The following BIRC6 variants were observed in gnomAD, a reference collection of about 807,000 sequenced individuals.
The protein encoded by BIRC6 is baculoviral IAP repeat containing 6.
A neutral mutation model predicts 503.3 loss-of-function variants in BIRC6; 98 were observed. That is an observed-to-expected ratio of 0.19 (90% CI 0.17 to 0.23). The LOEUF is 0.23. Ranked by LOEUF, BIRC6 falls within the 10% of genes least tolerant of loss-of-function variation. The pLI, the probability that BIRC6 is intolerant of heterozygous loss-of-function variation, is 1.00. For synonymous variants in BIRC6, 2,240 were observed against 2,078.7 expected (o/e 1.08, Z -2.11); for missense variants, 5,360 against 5,806.0 (o/e 0.92, Z 2.50).
At chr2:32,485,805 C>A in intron 40 of BIRC6, 46 bp downstream of exon 40, 1 of 1,248,254 alleles carries the variant, frequency 8.0e-7, no homozygotes, top group Non-Finnish European at 1.2e-6. Flanking sequence ...AATGATTCAG[C>A]TCTTCATCAT....
In BIRC6 at chr2:32,442,190, G is replaced by A. The variant is rs1462558381; in HGVS notation, c.4070G>A (p.Cys1357Tyr). The change falls in exon 18 of 74, where the codon TGT becomes TAT. Residue 1357 changes from cysteine (C) to tyrosine (Y), a missense_variant. By Grantham distance (194) the Cys-to-Tyr change is radical. This residue lies in a region of BIRC6 where 2,299 missense variants were observed against 2,267.2 expected (regional missense o/e 1.01). Transcript: ENST00000421745. ...CAGAGCCTTGTGTTGGATACTCTCT[G>A]TTGGTTAGCTGGAGTTCATTCAAAT... ...HAQSLVLDTL[C>Y]WLAGVHSNGP... The A allele has an allele frequency of 6.2e-7, 1 of 1,609,102 alleles. No homozygotes were observed. The highest frequency in any genetic ancestry group is 8.5e-7 in the Non-Finnish European group (1 of 1,178,430).
chr2:32,493,765 C>A, intron 45 of BIRC6, 98 bp downstream of exon 45: 1 of 1,008,422 alleles, frequency 9.9e-7, no homozygotes, highest in Non-Finnish European at 1.4e-6. Flanking sequence ...TATCTGTGAA[C>A]AAATAAGCAG....
intron 10 of BIRC6, among the ~76,000 whole-genome samples, chr2:32,428,851 G>C (rs1168827869): frequency 2.0e-5 from 3 of 152,036 alleles, no homozygotes; most frequent in Non-Finnish European, 4.4e-5. Flanking sequence ...AGGGTTTTTG[G>C]TAAAAAGTAA....
chr2:32,598,108 A>G (rs1295409737), intron 69 of BIRC6, 140 bp downstream of exon 69: 2 of 786,840 alleles, frequency 2.5e-6, no homozygotes, highest in African/African-American at 3.5e-5. Context: ...TTTAGACGGC[A>G]GTGAAAGGAG....
chr2:32,370,668 T>C (rs2035796833), intron 1 of BIRC6, among the ~76,000 whole-genome samples: 1 of 152,202 alleles, frequency 6.6e-6, no homozygotes, highest in African/African-American at 2.4e-5. Flanking sequence ...GTGAGAACCT[T>C]ACATTAATTT....
At chr2:32,436,211 G>T in intron 15 of BIRC6, 27 bp downstream of exon 15, 1 of 1,367,094 alleles carries the variant, frequency 7.3e-7, no homozygotes. Context: ...TACAAAAGCA[G>T]AATTAATAAT....
chr2:32,373,848 T>C (rs1573732854), intron 1 of BIRC6, among the ~76,000 whole-genome samples: 1 of 152,344 alleles, frequency 6.6e-6, no homozygotes, highest in East Asian at 1.9e-4. Flanking sequence ...TAAGTGTCTG[T>C]CCATTGATAG....
At chr2:32,376,002 G>T (rs1026326364) in intron 1 of BIRC6, among the ~76,000 whole-genome samples, 1 of 151,862 alleles carries the variant, frequency 6.6e-6, no homozygotes. Flanking sequence ...TGGCTAATAC[G>T]GTGAAACCCC....
intron 63 of BIRC6, among the ~76,000 whole-genome samples, chr2:32,546,727 A>G (rs1323863563): frequency 1.3e-5 from 2 of 152,212 alleles, no homozygotes; most frequent in East Asian, 3.8e-4. Context: ...ATTTTAGAAT[A>G]GTACCAAAAA....
chr2:32,517,817 A>T (rs192876616), intron 55 of BIRC6, among the ~76,000 whole-genome samples: 4 of 152,270 alleles, frequency 2.6e-5, no homozygotes, highest in African/African-American at 9.6e-5. Context: ...CCTGGGCTCA[A>T]ATGATCTCTT....
chr2:32,407,339 G>C (rs1428594005), intron 9 of BIRC6, among the ~76,000 whole-genome samples: 1 of 151,800 alleles, frequency 6.6e-6, no homozygotes, highest in Non-Finnish European at 1.5e-5. Context: ...CAGTTACTCA[G>C]GAGGCTGAGG....
intron 23 of BIRC6, among the ~76,000 whole-genome samples, chr2:32,462,562 G>C (rs140643231): frequency 6.6e-6 from 1 of 152,262 alleles, no homozygotes; most frequent in Non-Finnish European, 1.5e-5. Context: ...GTTGCAATAA[G>C]AAAACTTAGT....
At chr2:32,574,006 A>C (rs1452453299) in intron 65 of BIRC6, among the ~76,000 whole-genome samples, 1 of 151,992 alleles carries the variant, frequency 6.6e-6, no homozygotes, top group Non-Finnish European at 1.5e-5. Context: ...TTTGTTTTCC[A>C]AAAGTGCCTA....
At chr2:32,541,399 T>C (rs141135245) in intron 61 of BIRC6, among the ~76,000 whole-genome samples, 2 of 152,196 alleles carry the variant, frequency 1.3e-5, no homozygotes, top group Non-Finnish European at 2.9e-5. Context: ...GCATGTAGTG[T>C]AGCCGTAGAT....
In BIRC6 at chr2:32,591,355, T is replaced by C. The variant is rs374563680; in HGVS notation, c.13356-2560T>C. Among the ~76,000 whole-genome samples the C allele has an allele frequency of 2.7e-4, 41 of 152,320 alleles. 1 individual carries two copies. In the South Asian group the frequency reaches 8.3e-3, roughly 31 times the overall value. On this transcript the variant is annotated intron_variant, in intron 66 of 73. Coordinates refer to ENST00000421745, the MANE Select transcript of BIRC6 (RefSeq NM_016252.4). ...TGCACAATTATTTTTCTTTTACTTT[T>C]TCTTAATTATGGTAAAAAAATAAAA... is the stretch of plus-strand genomic sequence containing the variant.
chr2:32,381,954 T>C (rs946592596), intron 3 of BIRC6, among the ~76,000 whole-genome samples: 1 of 152,150 alleles, frequency 6.6e-6, no homozygotes, highest in Non-Finnish European at 1.5e-5. Flanking sequence ...AGATTTGTCA[T>C]GATTGTATTA....
intron 43 of BIRC6, among the ~76,000 whole-genome samples, 199 bp downstream of exon 43, chr2:32,490,350 G>C (rs1572583003): frequency 6.6e-6 from 1 of 152,008 alleles, no homozygotes; most frequent in Non-Finnish European, 1.5e-5. Context: ...GAGCTCGAGA[G>C]CAGCCTGGCC....
At chr2:32,564,272 T>C (rs2059387904) in intron 65 of BIRC6, 1 of 152,244 alleles carries the variant, frequency 6.6e-6, no homozygotes, top group African/African-American at 2.4e-5. Flanking sequence ...CAAAATGTTT[T>C]CAGGGTTTAT....
chr2:32,420,012 T>C (rs2042771003), intron 10 of BIRC6, among the ~76,000 whole-genome samples: 1 of 152,248 alleles, frequency 6.6e-6, no homozygotes, highest in Non-Finnish European at 1.5e-5. Context: ...GATTGACTTT[T>C]GGATATCAAA....
Sources: gnomAD v4.1 joint callset for allele counts (sites outside exome capture counted in the v4.1 genomes callset) on GRCh38, gnomAD v4.1.1 for gene constraint, gnomAD v4.1.1 regional missense constraint, MANE v1.5 for transcripts, NCBI Gene and HGNC (gene_info 2026-07-23, HGNC 2026-07-21) for gene names.